Variants in LINGO2 observed in about 807,000 individuals in gnomAD.
LINGO2 encodes the protein leucine rich repeat and Ig domain containing 2, also known as leucine-rich repeat and immunoglobulin-like domain-containing nogo receptor-interacting protein 2.
LINGO2 carries 14 observed loss-of-function variants against 30.6 expected under a neutral mutation model. The ratio of observed to expected loss-of-function variants is 0.46; its 90% CI spans 0.30 to 0.72. The LOEUF is 0.72. LINGO2 is among the 30% of genes least tolerant of loss of function. LINGO2 has a pLI of 0.07. For synonymous variants in LINGO2, 317 were observed against 288.5 expected, an observed-to-expected ratio of 1.10 and a Z score of -1.00; for missense variants, 729 against 751.7, an observed-to-expected ratio of 0.97 and a Z score of 0.35.
intron 4 of LINGO2, among the ~76,000 whole-genome samples, chr9:28,143,782 G>A (rs968794655): frequency 2.0e-5 from 3 of 151,986 alleles, no homozygotes; most frequent in Non-Finnish European, 4.4e-5. Flanking sequence ...CATAAGAACT[G>A]CCTATTAGAT....
At chr9:28,355,430 T>A (rs1458782694) in intron 3 of LINGO2, among the ~76,000 whole-genome samples, 1 of 147,514 alleles carries the variant, frequency 6.8e-6, no homozygotes, top group Non-Finnish European at 1.5e-5. Flanking sequence ...TGGAAAAGTT[T>A]TTTCCCCAGA....
At chr9:28,628,605 TTGTTTGA>T (rs1399436713) in intron 1 of LINGO2, among the ~76,000 whole-genome samples, 2 of 152,042 alleles carry the variant, frequency 1.3e-5, no homozygotes, top group Admixed American at 1.3e-4. Context: ...ACACCTGTAT[TTGTTTGA>T]TGTGTGAGTG....
the LINGO2 span, among the ~76,000 whole-genome samples, chr9:28,959,671 G>A: frequency 6.8e-6 from 1 of 146,334 alleles, no homozygotes; most frequent in Non-Finnish European, 1.5e-5. Flanking sequence ...CAAGGATTCA[G>A]CACTTAATCT....
At chr9:28,981,775 G>A in the LINGO2 span, among the ~76,000 whole-genome samples, 1 of 152,100 alleles carries the variant, frequency 6.6e-6, no homozygotes, top group Non-Finnish European at 1.5e-5. Flanking sequence ...TCTACTACAT[G>A]TGAAACAGGG....
At chr9:28,013,852 T>C (rs1406344493) in intron 4 of LINGO2, among the ~76,000 whole-genome samples, 1 of 152,220 alleles carries the variant, frequency 6.6e-6, no homozygotes, top group Non-Finnish European at 1.5e-5. Context: ...GGGTTTTAAC[T>C]AGTTGTCAGA....
the LINGO2 span, among the ~76,000 whole-genome samples, chr9:29,126,192 G>A: frequency 6.6e-6 from 1 of 151,992 alleles, no homozygotes; most frequent in Non-Finnish European, 1.5e-5. Flanking sequence ...GGGGAAAATA[G>A]TTTCAAAAGA....
chr9:28,899,613 A>C, the LINGO2 span, among the ~76,000 whole-genome samples: 1 of 152,220 alleles, frequency 6.6e-6, no homozygotes, highest in East Asian at 1.9e-4. Flanking sequence ...CCCTGAAGAT[A>C]CAAGCTCTAG....
chr9:28,437,885 T>A (rs1824017643), intron 2 of LINGO2, among the ~76,000 whole-genome samples: 1 of 152,178 alleles, frequency 6.6e-6, no homozygotes, highest in Non-Finnish European at 1.5e-5. Flanking sequence ...TTTTTAACAG[T>A]TTAATTTTTA....
intron 4 of LINGO2, among the ~76,000 whole-genome samples, chr9:28,291,282 G>A (rs551285700): frequency 2.0e-5 from 3 of 152,136 alleles, no homozygotes; most frequent in Non-Finnish European, 4.4e-5. Flanking sequence ...AGGATTGGTG[G>A]ACTTTGAGAT....
At chr9:28,524,624 G>T (rs1489103588) in intron 1 of LINGO2, among the ~76,000 whole-genome samples, 13 of 152,060 alleles carry the variant, frequency 8.5e-5, no homozygotes, top group Admixed American at 7.9e-4. Context: ...ATGGTGGTGT[G>T]CACCTGTAAT....
the LINGO2 span, among the ~76,000 whole-genome samples, chr9:28,948,667 T>C: frequency 6.6e-6 from 1 of 152,162 alleles, no homozygotes; most frequent in African/African-American, 2.4e-5. Flanking sequence ...ATAGCTATTT[T>C]GGTTTCATTA....
intron 4 of LINGO2, among the ~76,000 whole-genome samples, chr9:28,058,407 T>C (rs931032793): frequency 6.6e-6 from 1 of 152,154 alleles, no homozygotes; most frequent in Admixed American, 6.5e-5. Context: ...CAATGTAGTT[T>C]TACACAAGAG....
chr9:28,512,626 T>C (rs1820449876), intron 1 of LINGO2, among the ~76,000 whole-genome samples: 1 of 8,768 alleles, frequency 1.1e-4, no homozygotes. Context: ...TATATATATA[T>C]ATATATATAT....
intron 3 of LINGO2, among the ~76,000 whole-genome samples, chr9:28,334,472 T>C (rs1158460866): frequency 1.3e-5 from 2 of 152,190 alleles, no homozygotes; most frequent in African/African-American, 4.8e-5. Context: ...TAAAATCATA[T>C]ACTTTAACTC....
chr9:28,520,023 A>G (rs1440011078), intron 1 of LINGO2, among the ~76,000 whole-genome samples: 1 of 152,196 alleles, frequency 6.6e-6, no homozygotes, highest in Non-Finnish European at 1.5e-5. Flanking sequence ...GATTTTGTAA[A>G]CCATAACATA....
intron 4 of LINGO2, among the ~76,000 whole-genome samples, chr9:28,065,078 A>G (rs1271094306): frequency 1.3e-5 from 2 of 151,994 alleles, no homozygotes; most frequent in East Asian, 3.9e-4. Context: ...ATAGCTCCAC[A>G]GAGCCTGGCA....
the LINGO2 span, among the ~76,000 whole-genome samples, chr9:28,763,159 A>T: frequency 6.6e-6 from 1 of 152,044 alleles, no homozygotes; most frequent in South Asian, 2.1e-4. Context: ...TGTCAAAATT[A>T]AAAACACAAA....
chr9:29,111,096 A>G, the LINGO2 span, among the ~76,000 whole-genome samples: 2 of 152,226 alleles, frequency 1.3e-5, no homozygotes, highest in Non-Finnish European at 2.9e-5. Context: ...AAGGAACTTT[A>G]TAGATATTGA....
the LINGO2 span, among the ~76,000 whole-genome samples, chr9:28,975,242 A>C: frequency 2.8e-4 from 43 of 152,276 alleles, no homozygotes; most frequent in African/African-American, 9.9e-4. Context: ...GAGAAAAAAA[A>C]CCCCCATAAT....
Sources: allele counts gnomAD v4.1 joint callset (sites outside exome capture counted in the v4.1 genomes callset), GRCh38; gene constraint gnomAD v4.1.1; transcripts MANE v1.5; gene names NCBI Gene and HGNC (gene_info 2026-07-23, HGNC 2026-07-21).